Variants in TAFA2 observed in about 807,000 individuals in gnomAD.
TAFA2 encodes the protein TAFA chemokine like family member 2.
Under a neutral mutation model 18.8 loss-of-function variants are expected in TAFA2, and 7 were observed. That is an observed-to-expected ratio of 0.37 (90% CI 0.21 to 0.70). The LOEUF (loss-of-function observed/expected upper bound fraction) is 0.70. Among genes scored for constraint, TAFA2 ranks in the 30% least tolerant of loss-of-function variants. TAFA2 has a pLI of 0.53. For missense variants in TAFA2, 122 were observed against 158.1 expected (o/e 0.77, Z 1.23); for synonymous variants, 60 against 54.2 (o/e 1.11, Z -0.47).
At chr12:61,975,514 CGTGTGTGTGT>C (rs3031098) in intron 1 of TAFA2, among the ~76,000 whole-genome samples, 6 of 136,560 alleles carry the variant, frequency 4.4e-5, no homozygotes, top group African/African-American at 1.7e-4. Flanking sequence ...CAATAATATT[CGTGTGTGTGT>C]GTGTGTGTGT....
intron 1 of TAFA2, among the ~76,000 whole-genome samples, chr12:62,249,039 C>A (rs1460365739): frequency 1.3e-5 from 2 of 152,110 alleles, no homozygotes; most frequent in Non-Finnish European, 2.9e-5. Context: ...CCCCCACACC[C>A]ATGCCCCAGG....
intron 1 of TAFA2, among the ~76,000 whole-genome samples, chr12:62,017,438 C>T (rs556170831): frequency 6.6e-6 from 1 of 152,210 alleles, no homozygotes; most frequent in East Asian, 1.9e-4. Context: ...ATACAAGATG[C>T]TGTGGCAGCT....
intron 1 of TAFA2, among the ~76,000 whole-genome samples, chr12:62,177,711 A>T (rs2062523048): frequency 6.6e-6 from 1 of 151,972 alleles, no homozygotes; most frequent in Non-Finnish European, 1.5e-5. Context: ...TGCTCTGGGG[A>T]TCTCATTTTA....
intron 1 of TAFA2, among the ~76,000 whole-genome samples, chr12:61,959,143 A>G (rs1438853835): frequency 6.6e-6 from 1 of 151,868 alleles, no homozygotes; most frequent in Non-Finnish European, 1.5e-5. Context: ...TCCTTCTTGC[A>G]TTTTTATTGG....
intron 1 of TAFA2, among the ~76,000 whole-genome samples, chr12:62,208,736 A>G (rs1401975464): frequency 6.6e-6 from 1 of 152,238 alleles, no homozygotes; most frequent in Non-Finnish European, 1.5e-5. Context: ...CTCTTCCATC[A>G]TAAAAATATC....
chr12:61,801,925 A>C (rs1215096038), intron 2 of TAFA2, among the ~76,000 whole-genome samples: 1 of 152,090 alleles, frequency 6.6e-6, no homozygotes, highest in Non-Finnish European at 1.5e-5. Flanking sequence ...ACAAAAAACA[A>C]ATAAACCAAC....
At chr12:62,045,325 G>T (rs1432646516) in intron 1 of TAFA2, among the ~76,000 whole-genome samples, 1 of 151,952 alleles carries the variant, frequency 6.6e-6, no homozygotes, top group Non-Finnish European at 1.5e-5. Flanking sequence ...TTAATTATCT[G>T]TATTAGTTAT....
At chr12:62,217,565 C>T (rs1228408442) in intron 1 of TAFA2, among the ~76,000 whole-genome samples, 1 of 152,216 alleles carries the variant, frequency 6.6e-6, no homozygotes, top group African/African-American at 2.4e-5. Flanking sequence ...GATCAAGTCC[C>T]TTTCCAGAGG....
chr12:62,025,180 A>T (rs1881272395), intron 1 of TAFA2, among the ~76,000 whole-genome samples: 1 of 152,168 alleles, frequency 6.6e-6, no homozygotes, highest in South Asian at 2.1e-4. Context: ...GCATGTTTTC[A>T]CTTATAAGTG....
intron 4 of TAFA2, among the ~76,000 whole-genome samples, chr12:61,727,323 T>G (rs1870213632): frequency 6.6e-6 from 1 of 151,754 alleles, no homozygotes. Context: ...GTTTTATAAA[T>G]TCAGCTGTGA....
At chr12:62,043,284 T>TA (rs1389492350) in intron 1 of TAFA2, among the ~76,000 whole-genome samples, 1 of 152,134 alleles carries the variant, frequency 6.6e-6, no homozygotes, top group Non-Finnish European at 1.5e-5. Flanking sequence ...TATGCAGCCA[T>TA]AAAAAATGAT....
intron 1 of TAFA2, chr12:61,880,241 A>G: frequency 2.0e-6 from 1 of 487,928 alleles, no homozygotes; most frequent in Non-Finnish European, 4.0e-6. Flanking sequence ...AAAGACTGAC[A>G]TCTCCGAGAT....
chr12:62,117,403 T>TA (rs879817240), intron 1 of TAFA2, among the ~76,000 whole-genome samples: 71 of 151,122 alleles, frequency 4.7e-4, no homozygotes, highest in Middle Eastern at 3.4e-3. Context: ...TTTCTAAATA[T>TA]AAAAAAAAAG....
intron 2 of TAFA2, among the ~76,000 whole-genome samples, chr12:61,786,419 G>C (rs975146224): frequency 1.3e-5 from 2 of 151,512 alleles, no homozygotes; most frequent in Non-Finnish European, 3.0e-5. Context: ...AAATCTAAAA[G>C]TCTGTCATCC....
At chr12:62,063,855 G>GACAT (rs1882416362) in intron 1 of TAFA2, among the ~76,000 whole-genome samples, 1 of 147,922 alleles carries the variant, frequency 6.8e-6, no homozygotes, top group South Asian at 2.2e-4. Flanking sequence ...AGGGTGGCTG[G>GACAT]ACACACACAC....
chr12:61,842,692 T>G (rs1873235814), intron 2 of TAFA2, among the ~76,000 whole-genome samples: 2 of 151,960 alleles, frequency 1.3e-5, no homozygotes, highest in Non-Finnish European at 2.9e-5. Context: ...GCCCTAAATA[T>G]TTGATGGCAT....
At chr12:61,960,317 T>G (rs567386807) in intron 1 of TAFA2, among the ~76,000 whole-genome samples, 1 of 152,106 alleles carries the variant, frequency 6.6e-6, no homozygotes, top group South Asian at 2.1e-4. Context: ...ACATCTATAT[T>G]AAATGGCATC....
At chr12:61,794,880 C>T (rs184197012) in intron 2 of TAFA2, among the ~76,000 whole-genome samples, 2 of 152,000 alleles carry the variant, frequency 1.3e-5, no homozygotes, top group East Asian at 3.9e-4. Flanking sequence ...AACATATTTA[C>T]AAGAAAAAAA....
intron 2 of TAFA2, among the ~76,000 whole-genome samples, chr12:61,838,897 G>C (rs1873050195): frequency 6.6e-6 from 1 of 151,896 alleles, no homozygotes; most frequent in Non-Finnish European, 1.5e-5. Flanking sequence ...GCATCTAATT[G>C]GTTGAAACCA....
Sources: gnomAD v4.1 joint callset for allele counts (sites outside exome capture counted in the v4.1 genomes callset) on GRCh38, gnomAD v4.1.1 for gene constraint, MANE v1.5 for transcripts, NCBI Gene and HGNC (gene_info 2026-07-23, HGNC 2026-07-21) for gene names.